Variants in PTPRG observed in about 807,000 individuals in gnomAD.
PTPRG encodes protein tyrosine phosphatase receptor type G, also known as receptor-type tyrosine-protein phosphatase gamma.
In PTPRG, 102 loss-of-function variants were observed where a neutral mutation model predicts 165.3. The observed-to-expected ratio is 0.62, with a 90% CI of 0.53 to 0.73. PTPRG has a LOEUF of 0.73. PTPRG is among the 30% of genes least tolerant of loss of function. PTPRG has a pLI of 0.00. For synonymous variants in PTPRG, 675 were observed against 669.5 expected (o/e 1.01, Z -0.13); for missense variants, 1,866 against 1,861.4 (o/e 1.00, Z -0.05).
intron 4 of PTPRG, among the ~76,000 whole-genome samples, chr3:62,016,436 G>T (rs976959902): frequency 6.6e-6 from 1 of 152,122 alleles, no homozygotes; most frequent in Non-Finnish European, 1.5e-5. Flanking sequence ...AAAGTGCCGG[G>T]ATTACAGGTG....
intron 2 of PTPRG, among the ~76,000 whole-genome samples, chr3:61,963,834 C>A: frequency 6.6e-6 from 1 of 151,202 alleles, no homozygotes; most frequent in Non-Finnish European, 1.5e-5. Context: ...AATGGAAATA[C>A]TAAAGGAATG....
At position 62,216,117 on chromosome 3, in the gene PTPRG, C is replaced by G. The variant is rs1700496667; in HGVS notation, c.2156-2734C>G. ...CCTGTAATTCCAGGTACTTGGAGGG[C>G]TAAGGTGGGAGGATCGCTTGAGCGT... On this transcript the variant is annotated intron_variant, in intron 12 of 29. Coordinates refer to ENST00000474889, the MANE Select transcript of PTPRG (RefSeq NM_002841.4). Among the ~76,000 whole-genome samples, 5 of 151,572 alleles carry G rather than the reference C, an allele frequency of 3.3e-5. No individual in the cohort carries two copies. In the South Asian group the frequency reaches 8.4e-4, roughly 25 times the overall value.
At chr3:62,093,074 G>T (rs188766968) in intron 5 of PTPRG, among the ~76,000 whole-genome samples, 74 of 152,314 alleles carry the variant, frequency 4.9e-4, no homozygotes, top group African/African-American at 1.7e-3. Context: ...CCACCCCTGG[G>T]ATTTAGATGT....
intron 4 of PTPRG, among the ~76,000 whole-genome samples, chr3:62,038,792 C>A (rs13317204): frequency 0.37 from 56,045 of 151,852 alleles, 10,973 homozygotes; most frequent in African/African-American, 0.47. Context: ...TTTTTTCCAA[C>A]TTCCTCTATT....
At chr3:61,781,725 T>G (rs951363419) in intron 2 of PTPRG, among the ~76,000 whole-genome samples, 2 of 152,066 alleles carry the variant, frequency 1.3e-5, no homozygotes, top group African/African-American at 4.8e-5. Flanking sequence ...TTAACAGAAT[T>G]TATTAATTTC....
At chr3:61,678,214 A>G (rs538178233) in intron 1 of PTPRG, among the ~76,000 whole-genome samples, 1 of 152,320 alleles carries the variant, frequency 6.6e-6, no homozygotes, top group Admixed American at 6.5e-5. Context: ...TGAATGGAAA[A>G]TGACTGTCGT....
intron 1 of PTPRG, among the ~76,000 whole-genome samples, chr3:61,572,103 T>G (rs1482085827): frequency 1.3e-5 from 2 of 152,220 alleles, no homozygotes; most frequent in African/African-American, 4.8e-5. Context: ...TGTTGACTTT[T>G]TCCTGTGAGG....
chr3:62,171,721 G>T (rs1451540133), intron 8 of PTPRG, among the ~76,000 whole-genome samples: 1 of 151,502 alleles, frequency 6.6e-6, no homozygotes, highest in Non-Finnish European at 1.5e-5. Context: ...TTTAATAACA[G>T]CTTTATTGAG....
intron 4 of PTPRG, among the ~76,000 whole-genome samples, chr3:62,072,615 ATGTG>A (rs746425268): frequency 0.023 from 3,050 of 134,608 alleles, 108 homozygotes; most frequent in African/African-American, 0.084. Flanking sequence ...ATATATGTGT[ATGTG>A]TGTGTGTGTG....
At position 61,738,404 on chromosome 3, in the gene PTPRG, A is replaced by G. The variant is rs553732858; in HGVS notation, c.86-10474A>G. ...GGAATGTGCATGTAAAAATGACTCA[A>G]CAATATAAAAGGCCTATATAAAAGG... On this transcript the variant is annotated intron_variant, in intron 1 of 29. Coordinates refer to ENST00000474889, the MANE Select transcript of PTPRG (RefSeq NM_002841.4). Among the ~76,000 whole-genome samples the G allele has an allele frequency of 2.0e-5, 3 of 150,178 alleles. No individual in the cohort carries two copies. The South Asian group carries it at 6.3e-4, about 32-fold the overall frequency.
At chr3:62,128,432 A>G (rs1210502291) in intron 5 of PTPRG, among the ~76,000 whole-genome samples, 1 of 152,114 alleles carries the variant, frequency 6.6e-6, no homozygotes, top group African/African-American at 2.4e-5. Context: ...ATCTTTTGAA[A>G]TTTGAACTCA....
At chr3:61,607,349 C>T (rs1435269287) in intron 1 of PTPRG, among the ~76,000 whole-genome samples, 2 of 152,076 alleles carry the variant, frequency 1.3e-5, no homozygotes, top group African/African-American at 4.8e-5. Flanking sequence ...AATATTGTCC[C>T]GAGAAAATGC....
intron 4 of PTPRG, among the ~76,000 whole-genome samples, chr3:62,016,553 A>G (rs556522682): frequency 2.6e-5 from 4 of 152,012 alleles, no homozygotes; most frequent in Non-Finnish European, 4.4e-5. Flanking sequence ...CTTTTCCACT[A>G]TTTCTACCCT....
chr3:61,842,635 C>T (rs2036669864), intron 2 of PTPRG, among the ~76,000 whole-genome samples: 1 of 137,544 alleles, frequency 7.3e-6, no homozygotes, highest in Non-Finnish European at 1.5e-5. Context: ...TTCTGGATGA[C>T]ACAGATAAAG....
intron 1 of PTPRG, among the ~76,000 whole-genome samples, chr3:61,585,616 G>A (rs531331285): frequency 1.3e-4 from 19 of 151,498 alleles, no homozygotes; most frequent in Middle Eastern, 3.4e-3. Flanking sequence ...GTGTGGTTCC[G>A]TGTGCCTATA....
At chr3:62,070,031 C>T (rs1198857997) in intron 4 of PTPRG, among the ~76,000 whole-genome samples, 2 of 152,022 alleles carry the variant, frequency 1.3e-5, no homozygotes, top group Non-Finnish European at 2.9e-5. Flanking sequence ...AAACTTTGTT[C>T]AATAGGATAA....
At chr3:62,291,652 G>A (rs1702902445) in intron 28 of PTPRG, among the ~76,000 whole-genome samples, 1 of 152,066 alleles carries the variant, frequency 6.6e-6, no homozygotes, top group African/African-American at 2.4e-5. Context: ...TGGGCACAGG[G>A]CATCTGAACT....
chr3:61,566,979 C>T (rs1333752694), intron 1 of PTPRG, among the ~76,000 whole-genome samples: 1 of 152,208 alleles, frequency 6.6e-6, no homozygotes, highest in African/African-American at 2.4e-5. Context: ...GGTTACATTT[C>T]ATGTGGTCAC....
At chr3:61,919,410 A>G (rs903718346) in intron 2 of PTPRG, among the ~76,000 whole-genome samples, 7 of 152,270 alleles carry the variant, frequency 4.6e-5, no homozygotes, top group Non-Finnish European at 8.8e-5. Flanking sequence ...AAATGCAGAC[A>G]GTATCCATGT....
Sources: gnomAD v4.1 joint callset for allele counts (sites outside exome capture counted in the v4.1 genomes callset) on GRCh38, gnomAD v4.1.1 for gene constraint, MANE v1.5 for transcripts, NCBI Gene and HGNC (gene_info 2026-07-23, HGNC 2026-07-21) for gene names.